Variants in ACOT7 observed in about 807,000 individuals in gnomAD.
The protein encoded by ACOT7 is acyl-CoA thioesterase 7, also known as cytosolic acyl coenzyme A thioester hydrolase.
ACOT7 carries 12 observed loss-of-function variants against 40.2 expected under a neutral mutation model. That is an observed-to-expected ratio of 0.30 (90% CI 0.19 to 0.48). The LOEUF is 0.48. ACOT7 is among the 20% of genes least tolerant of loss of function. ACOT7 has a pLI of 0.99. For synonymous variants in ACOT7, 228 were observed against 219.5 expected (o/e 1.04, Z -0.34); for missense variants, 395 against 530.8 (o/e 0.74, Z 2.51).
chr1:6,333,210 A>C (rs1337825864), intron 4 of ACOT7, among the ~76,000 whole-genome samples: 1 of 152,240 alleles, frequency 6.6e-6, no homozygotes, highest in Non-Finnish European at 1.5e-5. Flanking sequence ...TCCCAGCATG[A>C]ATTAAACATA....
chr1:6,385,723 C>T, intron 1 of ACOT7: 1 of 1,561,708 alleles, frequency 6.4e-7, no homozygotes, highest in South Asian at 1.2e-5. Flanking sequence ...CCAGCAGAGC[C>T]CAAGCCTGTG....
Position 6,330,826 on chromosome 1 carries a change from C to T in ACOT7, c.510+2651G>A, listed in dbSNP as rs1640934502. Among the ~76,000 whole-genome samples, 1 of 152,204 alleles carries T rather than the reference C, an allele frequency of 6.6e-6. No individual in the cohort carries two copies. Among genetic ancestry groups the T allele is most frequent in the Non-Finnish European group, 1.5e-5 (1 of 68,040 alleles). Reference sequence around the variant, plus strand: ...GTGACTGTGTTCAGGTCCAGGCCCGCCCCTCGGTATCACCCGCCTGAGATG... The same window carrying T: ...GTGACTGTGTTCAGGTCCAGGCCCGTCCCTCGGTATCACCCGCCTGAGATG... On this transcript the variant is annotated intron_variant, in intron 4 of 8. Coordinates refer to ENST00000361521, the MANE Select transcript of ACOT7 (RefSeq NM_007274.4). The surrounding 1 kb of genome is among the most constrained non-coding windows in gnomAD (Gnocchi z 4.6).
At chr1:6,267,986 A>C (rs2148361176) in intron 8 of ACOT7, among the ~76,000 whole-genome samples, 1 of 152,342 alleles carries the variant, frequency 6.6e-6, no homozygotes, top group South Asian at 2.1e-4. Flanking sequence ...ACACAGTGAA[A>C]GAAGCCGGTC....
intron 5 of ACOT7, among the ~76,000 whole-genome samples, chr1:6,320,227 G>A (rs10489536): frequency 0.086 from 13,090 of 152,254 alleles, 969 homozygotes; most frequent in African/African-American, 0.19. Flanking sequence ...CACATAGGAC[G>A]GGATCCGAAA....
chr1:6,376,114 G>C (rs1312370107), intron 1 of ACOT7, among the ~76,000 whole-genome samples: 1 of 152,070 alleles, frequency 6.6e-6, no homozygotes, highest in Non-Finnish European at 1.5e-5. Flanking sequence ...AATTAGCCAT[G>C]CGTGGTGGCA....
chr1:6,337,268 G>A (rs1030256811), intron 3 of ACOT7, among the ~76,000 whole-genome samples: 5 of 152,218 alleles, frequency 3.3e-5, no homozygotes, highest in Non-Finnish European at 5.9e-5. Flanking sequence ...AGCACCTTCT[G>A]GGTGAGCTGG....
At chr1:6,284,019 T>C (rs988458873) in intron 7 of ACOT7, among the ~76,000 whole-genome samples, 3 of 151,964 alleles carry the variant, frequency 2.0e-5, no homozygotes, top group Non-Finnish European at 4.4e-5. Flanking sequence ...AAACTGGAAA[T>C]CTGATGTGGT....
At chr1:6,304,126 C>A (rs76762529) in intron 6 of ACOT7, among the ~76,000 whole-genome samples, 2,375 of 152,224 alleles carry the variant, frequency 0.016, 54 homozygotes, top group African/African-American at 0.054. Flanking sequence ...GCTACCAAAG[C>A]AAGGTCGCTT....
chr1:6,356,534 C>T (rs939075620), intron 1 of ACOT7, among the ~76,000 whole-genome samples: 2 of 152,196 alleles, frequency 1.3e-5, no homozygotes, highest in African/African-American at 4.8e-5. Flanking sequence ...TTGGCAGCAG[C>T]CCTGCAGGGC....
At position 6,294,640 on chromosome 1, in the gene ACOT7, G is replaced by A. The variant is rs1639762274; in HGVS notation, c.829+224C>T. Reference sequence around the variant, plus strand: ...GTGAGTTTAGGCAGGTCTTTAGGAGGATAATGGCCCCGTCATATCTGAGTC... The same window carrying A: ...GTGAGTTTAGGCAGGTCTTTAGGAGAATAATGGCCCCGTCATATCTGAGTC... On this transcript the variant is annotated intron_variant, in intron 7 of 8. Transcript: ENST00000361521. This position sits in a 1 kb window ranked among gnomAD's most constrained non-coding sequence, Gnocchi z 4.6. 6.6e-6 allele frequency among the ~76,000 whole-genome samples: 1 copy of A among 152,192 alleles called. No homozygotes were observed. Among genetic ancestry groups the A allele is most frequent in the African/African-American group, 2.4e-5 (1 of 41,438 alleles).
intron 8 of ACOT7, among the ~76,000 whole-genome samples, chr1:6,268,083 G>A (rs1638904016): frequency 6.6e-6 from 1 of 152,222 alleles, no homozygotes; most frequent in African/African-American, 2.4e-5. Context: ...GTTGCCTGGG[G>A]CTGGGGGACC....
intron 7 of ACOT7, among the ~76,000 whole-genome samples, chr1:6,286,950 C>A (rs372948807): frequency 1.2e-4 from 19 of 152,144 alleles, no homozygotes; most frequent in African/African-American, 4.6e-4. Flanking sequence ...TAACAAGAAG[C>A]TAATTTTTTG....
chr1:6,328,934 C>A (rs1416754890), intron 4 of ACOT7, among the ~76,000 whole-genome samples: 1 of 152,242 alleles, frequency 6.6e-6, no homozygotes, highest in Non-Finnish European at 1.5e-5. Context: ...CCTTCTCCCT[C>A]CCCCTTGGCC....
intron 5 of ACOT7, among the ~76,000 whole-genome samples, chr1:6,325,394 C>A (rs1244183086): frequency 1.5e-5 from 2 of 133,012 alleles, no homozygotes; most frequent in African/African-American, 3.8e-5. Flanking sequence ...CGAGATTCTG[C>A]CTCAAATTAA....
chr1:6,336,734 T>C (rs546479064), intron 3 of ACOT7, among the ~76,000 whole-genome samples: 24 of 150,600 alleles, frequency 1.6e-4, no homozygotes, highest in African/African-American at 5.6e-4. Flanking sequence ...GTGCCCACAG[T>C]GTGCCAGGCA....
At chr1:6,366,625 A>G (rs1028061708) in intron 1 of ACOT7, among the ~76,000 whole-genome samples, 1 of 151,200 alleles carries the variant, frequency 6.6e-6, no homozygotes, top group African/African-American at 2.4e-5. Context: ...GTAGCATGCA[A>G]TGTTTGATAG....
chr1:6,359,151 G>A lies in ACOT7; in HGVS notation c.144-9285C>T, dbSNP rs983161551. ...AGATCAGGAAGGCAGAGGGGCCGCT[G>A]CTGAGCGGCCTCAGGGAAGCGGCTA... On this transcript the variant is annotated intron_variant, in intron 1 of 8. Transcript: ENST00000361521. This position sits in a 1 kb window ranked among gnomAD's most constrained non-coding sequence, Gnocchi z 4.1. The A allele has an allele frequency of 6.9e-6, 2 of 288,394 alleles. No individual in the cohort carries two copies. Among genetic ancestry groups the A allele is most frequent in the South Asian group, 9.4e-5 (2 of 21,366 alleles). 17.9% of individuals were successfully genotyped at this position (288,394 alleles called of 1,614,324 possible).
chr1:6,278,083 G>C lies in ACOT7; in HGVS notation c.1014+3019C>G, dbSNP rs928456150. ...CAGTCCACGCAGCGTCTGCAGTGGC[G>C]GGGGGTGGTTGGGAGGGGGTCTGGG... On this transcript the variant is annotated intron_variant, in intron 8 of 8. Transcript: ENST00000361521. This position sits in a 1 kb window ranked among gnomAD's most constrained non-coding sequence, Gnocchi z 4.1. Among the ~76,000 whole-genome samples, 54 of 152,098 alleles carry C rather than the reference G, an allele frequency of 3.6e-4. No individual in the cohort carries two copies. Among genetic ancestry groups the C allele is most frequent in the East Asian group, 1.2e-3 (6 of 5,166 alleles).
At chr1:6,316,716 G>A (rs112440013) in intron 6 of ACOT7, among the ~76,000 whole-genome samples, 8,076 of 152,190 alleles carry the variant, frequency 0.053, 295 homozygotes, top group Non-Finnish European at 0.081. Flanking sequence ...AAGCTGAAGC[G>A]GGAGAATCTC....
Sources: allele counts gnomAD v4.1 joint callset (sites outside exome capture counted in the v4.1 genomes callset), GRCh38; gene constraint gnomAD v4.1.1; non-coding constraint Gnocchi (gnomAD v3.1); transcripts MANE v1.5; gene names NCBI Gene and HGNC (gene_info 2026-07-23, HGNC 2026-07-21).